GRXCR2: variants seen among roughly 807,000 people sequenced by gnomAD.
GRXCR2 encodes glutaredoxin domain-containing cysteine-rich protein 2.
Under a neutral mutation model 24.8 loss-of-function variants are expected in GRXCR2, and 23 were observed. The ratio of observed to expected loss-of-function variants is 0.93; its 90% CI spans 0.67 to 1.32. The LOEUF (loss-of-function observed/expected upper bound fraction) is 1.32, where lower values mean the gene tolerates loss of function less well. Ranked by LOEUF, GRXCR2 falls within the 40% of genes most tolerant of loss-of-function variation. GRXCR2 has a pLI of 0.00. For missense variants in GRXCR2, 315 were observed against 303.4 expected (o/e 1.04, Z -0.28); for synonymous variants, 130 against 116.1 (o/e 1.12, Z -0.77).
At chr5:145,913,463 T>G (rs556664415) in intron 2 of GRXCR2, among the ~76,000 whole-genome samples, 2 of 152,184 alleles carry the variant, frequency 1.3e-5, no homozygotes, top group South Asian at 4.1e-4. Context: ...GTTTATACAG[T>G]CACATCAATT....
At chr5:145,884,346 A>G (rs2149916488) in intron 2 of GRXCR2, among the ~76,000 whole-genome samples, 1 of 152,260 alleles carries the variant, frequency 6.6e-6, no homozygotes, top group Non-Finnish European at 1.5e-5. Context: ...AAAGAGAATA[A>G]GGAAACATAA....
At chr5:145,919,858 C>T (rs1237411134) in intron 2 of GRXCR2, among the ~76,000 whole-genome samples, 1 of 152,140 alleles carries the variant, frequency 6.6e-6, no homozygotes, top group Non-Finnish European at 1.5e-5. Flanking sequence ...TTTTCTGCCC[C>T]AACCTCCCCA....
chr5:145,894,999 G>A (rs1035027993), intron 2 of GRXCR2, among the ~76,000 whole-genome samples: 5 of 152,000 alleles, frequency 3.3e-5, no homozygotes, highest in Admixed American at 6.6e-5. Flanking sequence ...ATCAATAAAC[G>A]TAATCCAGCA....
chr5:145,916,538 G>A (rs1177068013), intron 2 of GRXCR2, among the ~76,000 whole-genome samples: 1 of 152,222 alleles, frequency 6.6e-6, no homozygotes, highest in African/African-American at 2.4e-5. Context: ...GGAAGGGAAA[G>A]TCCTCCTTGT....
chr5:145,913,692 T>A (rs1420911560), intron 2 of GRXCR2, among the ~76,000 whole-genome samples: 4 of 152,118 alleles, frequency 2.6e-5, no homozygotes, highest in South Asian at 4.1e-4. Context: ...TTTTTAAAAA[T>A]TTTTTAAATA....
rs1554107328 is a variant in GRXCR2, at chr5:145,929,198, C to CATATATATATAT, written c.-70+6502_-70+6503insATATATATATAT. Among the ~76,000 whole-genome samples the CATATATATATAT allele has an allele frequency of 2.2e-3, 195 of 88,378 alleles. 22 individuals carry two copies. Among genetic ancestry groups the CATATATATATAT allele is most frequent in the Middle Eastern group, 0.015 (3 of 200 alleles). The allele number at this position is 88,378 out of a possible 152,430, so 58.0% of individuals were successfully genotyped here. ...TTTTAATAGTTGTATAATATTCCCC[C>CATATATATATAT]CTATATATATATATATATATATATA... is the stretch of plus-strand genomic sequence containing the variant. On this transcript the variant is annotated intron_variant, in intron 2 of 3. Coordinates refer to the GRXCR2 transcript ENST00000639411.
chr5:145,885,617 C>T (rs894823608), intron 2 of GRXCR2, among the ~76,000 whole-genome samples: 6 of 152,202 alleles, frequency 3.9e-5, no homozygotes, highest in African/African-American at 1.4e-4. Context: ...AGTTAAGCCA[C>T]ATTAAACTGG....
At chr5:145,918,546 T>C (rs1757275186) in intron 2 of GRXCR2, among the ~76,000 whole-genome samples, 2 of 152,222 alleles carry the variant, frequency 1.3e-5, no homozygotes, top group African/African-American at 4.8e-5. Flanking sequence ...CCTGTGGGCA[T>C]GGGGAAAGGT....
At chr5:145,872,535 G>C in intron 1 of GRXCR2, 98 bp downstream of exon 1, 2 of 990,922 alleles carry the variant, frequency 2.0e-6, no homozygotes, top group Non-Finnish European at 2.9e-6. Context: ...TGGTACCGGA[G>C]GGGGAGCAAG....
chr5:145,883,913 A>T (rs757900325), intron 2 of GRXCR2, among the ~76,000 whole-genome samples: 1 of 152,168 alleles, frequency 6.6e-6, no homozygotes, highest in Admixed American at 6.6e-5. Context: ...AAAATCCCTC[A>T]TCACAAAATC....
intron 2 of GRXCR2, 116 bp downstream of exon 2, chr5:145,866,385 G>A (rs1392194289): frequency 4.6e-6 from 3 of 652,962 alleles, no homozygotes; most frequent in South Asian, 3.9e-5. Flanking sequence ...TCAAGTTTAG[G>A]TATCTTAAGT....
At chr5:145,930,478 C>T (rs1380495648) in intron 2 of GRXCR2, among the ~76,000 whole-genome samples, 1 of 152,104 alleles carries the variant, frequency 6.6e-6, no homozygotes, top group African/African-American at 2.4e-5. Context: ...TTCAAATGTG[C>T]CTTTACTTTC....
intron 2 of GRXCR2, among the ~76,000 whole-genome samples, chr5:145,892,379 C>A (rs576634083): frequency 1.1e-3 from 161 of 151,982 alleles, no homozygotes; most frequent in African/African-American, 3.5e-3. Flanking sequence ...AAGTTAAAGA[C>A]CTTGAAAAAA....
upstream of GRXCR2, among the ~76,000 whole-genome samples, chr5:145,876,920 G>A (rs1756627234): frequency 6.6e-6 from 1 of 152,096 alleles, no homozygotes; most frequent in African/African-American, 2.4e-5. Context: ...AGAAAATACT[G>A]TAGCTCCATA....
At chr5:145,907,250 G>A (rs540589519) in intron 2 of GRXCR2, among the ~76,000 whole-genome samples, 13 of 152,140 alleles carry the variant, frequency 8.5e-5, no homozygotes, top group East Asian at 3.9e-4. Flanking sequence ...TTGCCCTGGC[G>A]GAATGCAGTG....
At position 145,859,850 on chromosome 5, in the gene GRXCR2, C is replaced by G. The variant is rs1352784551; in HGVS notation, c.630G>C (p.Leu210=). Residue 210 remains leucine, a synonymous_variant, in exon 3 of 3, where the codon CTG becomes CTC. Coordinates refer to ENST00000377976, the MANE Select transcript of GRXCR2 (RefSeq NM_001080516.2). ...CRGSGSATCS[L]CHGSKFSMLA... ...GCATCGAGAACTTGCTGCCGTGGCA[C>G]AGAGAGCAGGTGGCACTGCCCGACC... 21 of 1,613,094 alleles carry G rather than the reference C, an allele frequency of 1.3e-5. No individual in the cohort carries two copies. Among genetic ancestry groups the G allele is most frequent in the Non-Finnish European group, 1.7e-5 (20 of 1,179,520 alleles).
intron 2 of GRXCR2, among the ~76,000 whole-genome samples, chr5:145,886,330 C>T (rs1417475562): frequency 6.6e-6 from 1 of 152,172 alleles, no homozygotes; most frequent in Non-Finnish European, 1.5e-5. Flanking sequence ...TTCCTCACTG[C>T]CTCTGAGCAG....
intron 2 of GRXCR2, among the ~76,000 whole-genome samples, chr5:145,896,757 C>T (rs1756955731): frequency 2.0e-5 from 3 of 152,104 alleles, no homozygotes; most frequent in Admixed American, 2.0e-4. Context: ...CTAGAAATAC[C>T]ATTTGACCCA....
In GRXCR2 at chr5:145,863,562, A is replaced by C. The variant is rs753281643; in HGVS notation, c.564+2939T>G. ...GAAAATACATGCTCCTACAACTTAC[A>C]ATATAGTATGATAGATAATAGAATT... On this transcript the variant is annotated intron_variant, in intron 2 of 2. Coordinates refer to ENST00000377976, the MANE Select transcript of GRXCR2 (RefSeq NM_001080516.2). 1.2e-3 allele frequency among the ~76,000 whole-genome samples: 185 copies of C among 152,312 alleles called. 2 individuals are homozygous for C. In the Middle Eastern group the frequency reaches 0.014, roughly 11 times the overall value.
Sources: allele counts gnomAD v4.1 joint callset (sites outside exome capture counted in the v4.1 genomes callset), GRCh38; gene constraint gnomAD v4.1.1; transcripts MANE v1.5; gene names NCBI Gene and HGNC (gene_info 2026-07-23, HGNC 2026-07-21).